CRISP1: variants seen among roughly 807,000 people sequenced by gnomAD.
CRISP1 encodes cysteine-rich secretory protein 1.
In CRISP1, 44 loss-of-function variants were observed where a neutral mutation model predicts 33.1. The ratio of observed to expected loss-of-function variants is 1.33; its 90% CI spans 1.05 to 1.71. The LOEUF is 1.71. Ranked by LOEUF, CRISP1 falls within the 40% of genes most tolerant of loss-of-function variation. CRISP1 has a pLI of 0.00. For synonymous variants in CRISP1, 103 were observed against 98.7 expected, an observed-to-expected ratio of 1.04 and a Z score of -0.26; for missense variants, 390 against 301.2, an observed-to-expected ratio of 1.29 and a Z score of -2.18.
Position 49,850,494 on chromosome 6 carries a change from C to CT in CRISP1, c.195+1506dup, listed in dbSNP as rs560839666. Reference sequence around the variant, plus strand: ...TAGGTTCTAATATTGTGTTCAGAAACTTTTTTTTTTAAAGAAAATCTCTGC... The same window carrying CT: ...TAGGTTCTAATATTGTGTTCAGAAACTTTTTTTTTTTAAAGAAAATCTCTGC... On this transcript the variant is annotated intron_variant, in intron 3 of 7. Transcript: ENST00000335847. 7.7e-3 allele frequency among the ~76,000 whole-genome samples: 1,142 copies of CT among 148,786 alleles called. 8 individuals carry two copies. The highest frequency in any genetic ancestry group is 0.011 in the Non-Finnish European group (724 of 66,906).
intron 5 of CRISP1, among the ~76,000 whole-genome samples, chr6:49,843,677 C>A (rs2127470855): frequency 6.6e-6 from 1 of 152,270 alleles, no homozygotes; most frequent in South Asian, 2.1e-4. Flanking sequence ...AACTGAGATG[C>A]TGCTTCAACA....
intron 3 of CRISP1, among the ~76,000 whole-genome samples, chr6:49,850,373 T>C (rs186232093): frequency 1.2e-4 from 19 of 152,282 alleles, no homozygotes; most frequent in African/African-American, 4.6e-4. Flanking sequence ...GTTGGTGAGA[T>C]ACTCCTTTTT....
At chr6:49,865,442 G>T (rs1039405431) in intron 1 of CRISP1, among the ~76,000 whole-genome samples, 2 of 152,088 alleles carry the variant, frequency 1.3e-5, no homozygotes, top group African/African-American at 4.8e-5. Flanking sequence ...CCAGCTATTT[G>T]ATGATTATCT....
chr6:49,870,854 T>G (rs1771905566), upstream of CRISP1, among the ~76,000 whole-genome samples: 1 of 152,088 alleles, frequency 6.6e-6, no homozygotes, highest in Admixed American at 6.6e-5. Flanking sequence ...CCCAGCACTT[T>G]TGGAGGCCGA....
intron 5 of CRISP1, 24 bp downstream of exon 5, chr6:49,846,496 T>G: frequency 6.2e-7 from 1 of 1,607,020 alleles, no homozygotes; most frequent in Non-Finnish European, 8.5e-7. Flanking sequence ...AAACAATGTG[T>G]GTGTTTGCCA....
At chr6:49,862,218 C>A (rs570639552) in intron 1 of CRISP1, among the ~76,000 whole-genome samples, 1 of 152,066 alleles carries the variant, frequency 6.6e-6, no homozygotes, top group East Asian at 1.9e-4. Flanking sequence ...GATATAAAAT[C>A]AACATGCAAA....
At chr6:49,840,815 T>C (rs1013669352) in intron 6 of CRISP1, 83 bp downstream of exon 6, 1 of 1,041,216 alleles carries the variant, frequency 9.6e-7, no homozygotes, top group Admixed American at 2.0e-5. Flanking sequence ...TACAAACATT[T>C]ATGCACACAA....
rs1286835230 is a variant in CRISP1, at chr6:49,848,292, C to T, written c.203G>A (p.Ser68Asn). Residue 68 changes from serine to asparagine, a missense_variant, in exon 4 of 8, where the codon AGT (serine) becomes AAT (asparagine). By Grantham distance (46) the Ser-to-Asn change is conservative. Coordinates refer to ENST00000335847, the MANE Select transcript of CRISP1 (RefSeq NM_001131.3). ...TCTGGCATTTTGTGCAGCCTCTTCA[C>T]TCCAACTCTGTAGTGGAAAGAAAAA... ...PASNMLKMSW[S>N]EEAAQNARIF... The T allele has an allele frequency of 6.3e-7, 1 of 1,594,010 alleles. No homozygotes were observed. The highest frequency in any genetic ancestry group is 8.5e-7 in the Non-Finnish European group (1 of 1,170,170).
At chr6:49,839,414 G>A (rs975225282) in intron 6 of CRISP1, among the ~76,000 whole-genome samples, 1 of 151,914 alleles carries the variant, frequency 6.6e-6, no homozygotes, top group African/African-American at 2.4e-5. Context: ...TGACACCTCT[G>A]CACTCCAGCC....
intron 1 of CRISP1, among the ~76,000 whole-genome samples, chr6:49,874,333 G>A (rs752432565): frequency 2.0e-5 from 3 of 151,972 alleles, no homozygotes; most frequent in Admixed American, 1.3e-4. Context: ...AGACCCAATT[G>A]ATTTCAGATA....
intron 1 of CRISP1, among the ~76,000 whole-genome samples, chr6:49,865,486 C>T (rs193133461): frequency 2.0e-5 from 3 of 152,228 alleles, no homozygotes; most frequent in Admixed American, 1.3e-4. Flanking sequence ...ATATTTCTTC[C>T]AAATTCTCTT....
At position 49,857,378 on chromosome 6, in the gene CRISP1, A is replaced by C. The variant is rs759184426; in HGVS notation, c.23T>G (p.Phe8Cys). 1 of 1,613,002 alleles carries C rather than the reference A, an allele frequency of 6.2e-7. No individual in the cohort carries two copies. Among genetic ancestry groups the C allele is most frequent in the African/African-American group, 1.3e-5 (1 of 75,004 alleles). MEIKHLLFLVAAACLLPM... is the reference protein window; with the variant it reads MEIKHLLCLVAAACLLPM... The stretch of plus-strand genomic sequence containing the variant: ...CAGTAAGCAAGCAGCAGCAACCAAA[A>C]ACAAGAGGTGTTTAATTTCCATCCC... Residue 8 changes from phenylalanine (F) to cysteine (C), a missense_variant, in exon 2 of 8, where the codon TTT (phenylalanine) becomes TGT (cysteine). Phe to Cys is a radical substitution (Grantham distance 205). Coordinates refer to ENST00000335847, the MANE Select transcript of CRISP1 (RefSeq NM_001131.3).
chr6:49,871,296 G>A (rs1180256361), upstream of CRISP1, among the ~76,000 whole-genome samples: 1 of 152,086 alleles, frequency 6.6e-6, no homozygotes, highest in Non-Finnish European at 1.5e-5. Context: ...TACTGGAACA[G>A]AGGTTACATT....
At chr6:49,866,053 C>G (rs1253041263) in intron 1 of CRISP1, among the ~76,000 whole-genome samples, 1 of 152,052 alleles carries the variant, frequency 6.6e-6, no homozygotes, top group Non-Finnish European at 1.5e-5. Flanking sequence ...GACTATGGCC[C>G]CTTATTACTG....
chr6:49,876,658 G>C (rs951088356), intron 1 of CRISP1, among the ~76,000 whole-genome samples: 6 of 151,986 alleles, frequency 3.9e-5, no homozygotes, highest in Non-Finnish European at 8.8e-5. Flanking sequence ...TTATAGGCTG[G>C]GTAAAGAAAA....
chr6:49,871,615 G>T (rs1280548815), intron 1 of CRISP1, among the ~76,000 whole-genome samples: 5 of 129,334 alleles, frequency 3.9e-5, no homozygotes, highest in African/African-American at 1.5e-4. Context: ...TGTTCTCATT[G>T]TTCAATTCCC....
chr6:49,855,501 C>G (rs139167924), intron 2 of CRISP1, among the ~76,000 whole-genome samples: 3 of 151,642 alleles, frequency 2.0e-5, no homozygotes, highest in Admixed American at 6.6e-5. Context: ...GAATATTTGC[C>G]CATGCCTGTA....
intron 5 of CRISP1, among the ~76,000 whole-genome samples, chr6:49,845,478 A>G (rs1771134342): frequency 6.6e-6 from 1 of 152,240 alleles, no homozygotes; most frequent in Non-Finnish European, 1.5e-5. Context: ...GCAGATTAAT[A>G]GAGCAAAGAT....
chr6:49,872,157 T>C (rs940801266), intron 1 of CRISP1, among the ~76,000 whole-genome samples: 1 of 152,240 alleles, frequency 6.6e-6, no homozygotes, highest in African/African-American at 2.4e-5. Context: ...CCACTGATGA[T>C]GAGCATTTTT....
Sources: allele counts gnomAD v4.1 joint callset (sites outside exome capture counted in the v4.1 genomes callset), GRCh38; gene constraint gnomAD v4.1.1; transcripts MANE v1.5; gene names NCBI Gene and HGNC (gene_info 2026-07-23, HGNC 2026-07-21).